The following TRHDE variants were observed in gnomAD, a reference collection of about 807,000 sequenced individuals.
The protein encoded by TRHDE is thyrotropin-releasing hormone-degrading ectoenzyme.
TRHDE carries 72 observed loss-of-function variants against 125.7 expected under a neutral mutation model. The ratio of observed to expected loss-of-function variants is 0.57; its 90% confidence interval spans 0.47 to 0.70. TRHDE has a LOEUF of 0.70. Among genes scored for constraint, TRHDE ranks in the 30% least tolerant of loss-of-function variants. The probability of loss-of-function intolerance (pLI) is 0.00; values close to 1 mark genes in which losing one functional copy is unlikely to be tolerated. For missense variants in TRHDE, 1,110 were observed against 1,327.1 expected, an observed-to-expected ratio of 0.84 and a Z score of 2.54; for synonymous variants, 509 against 509.1, an observed-to-expected ratio of 1.00 and a Z score of 0.00.
At chr12:72,517,747 T>C (rs1460875324) in intron 6 of TRHDE, among the ~76,000 whole-genome samples, 1 of 151,346 alleles carries the variant, frequency 6.6e-6, no homozygotes, top group Non-Finnish European at 1.5e-5. Flanking sequence ...AGGGTGTCAA[T>C]TTTGGATCTT....
chr12:72,514,503 A>G (rs11179228), intron 6 of TRHDE, among the ~76,000 whole-genome samples: 26,761 of 151,964 alleles, frequency 0.18, 2,771 homozygotes, highest in East Asian at 0.48. Flanking sequence ...AGAGAATTAT[A>G]ACCTAAATGG....
At chr12:72,239,908 T>G (rs1431301021) in intron 2 of TRHDE, among the ~76,000 whole-genome samples, 1 of 152,208 alleles carries the variant, frequency 6.6e-6, no homozygotes, top group Non-Finnish European at 1.5e-5. Flanking sequence ...TGTCCTATTT[T>G]CAGTGAGCTT....
intron 2 of TRHDE, among the ~76,000 whole-genome samples, chr12:72,327,249 G>C (rs1184180802): frequency 3.9e-5 from 6 of 152,102 alleles, no homozygotes. Context: ...GAGTTAGGGA[G>C]CCTTTTCTTA....
Position 72,330,967 on chromosome 12 carries a change from A to G in TRHDE, c.1188+44013A>G, listed in dbSNP as rs1342965617. On this transcript the variant is annotated intron_variant, in intron 2 of 18. Transcript: ENST00000261180. ...AGCGTGAGAATATGCATTTCTAACA[A>G]GTTTCCAGGTGATGTTGCTAGCTGT... is the stretch of plus-strand genomic sequence containing the variant. Among the ~76,000 whole-genome samples, 4 of 152,162 alleles carry G rather than the reference A, an allele frequency of 2.6e-5. No homozygotes were observed. The East Asian group carries it at 7.7e-4, about 29-fold the overall frequency.
At chr12:72,575,122 G>T in intron 10 of TRHDE, 133 bp from the exon 11 acceptor site, 1 of 811,142 alleles carries the variant, frequency 1.2e-6, no homozygotes, top group Non-Finnish European at 1.9e-6. Context: ...TAATTAAAGA[G>T]TAGGCTTCAA....
chr12:72,611,421 A>G (rs1399692098), intron 12 of TRHDE: 1 of 152,236 alleles, frequency 6.6e-6, no homozygotes, highest in Non-Finnish European at 1.5e-5. Flanking sequence ...ACCCATTTAA[A>G]GAGAATACCA....
chr12:72,309,066 T>C (rs557831022), intron 2 of TRHDE, among the ~76,000 whole-genome samples: 138 of 152,314 alleles, frequency 9.1e-4, no homozygotes, highest in Middle Eastern at 3.4e-3. Flanking sequence ...CACTGGGTAT[T>C]GACAGATGCA....
At chr12:72,510,787 C>T (rs1040644475) in intron 6 of TRHDE, among the ~76,000 whole-genome samples, 2 of 151,774 alleles carry the variant, frequency 1.3e-5, no homozygotes, top group African/African-American at 4.8e-5. Context: ...AAGCTTGGGA[C>T]TGAAAAAATT....
intron 3 of TRHDE, among the ~76,000 whole-genome samples, chr12:72,463,190 T>C (rs972468252): frequency 6.6e-6 from 1 of 152,180 alleles, no homozygotes; most frequent in African/African-American, 2.4e-5. Flanking sequence ...TGCCTAGGCA[T>C]GGAAGGATTG....
intron 2 of TRHDE, among the ~76,000 whole-genome samples, chr12:72,230,515 AG>A (rs1878227379): frequency 6.6e-6 from 1 of 152,180 alleles, no homozygotes; most frequent in Admixed American, 6.5e-5. Context: ...TGTCCGTAGA[AG>A]TAAATTGTTC....
chr12:72,555,374 C>T (rs917029677), intron 7 of TRHDE, among the ~76,000 whole-genome samples: 2 of 151,956 alleles, frequency 1.3e-5, no homozygotes, highest in Non-Finnish European at 2.9e-5. Context: ...CTTTTCATGT[C>T]CAGTGGCTTG....
intron 2 of TRHDE, among the ~76,000 whole-genome samples, chr12:72,294,015 G>A (rs1880191572): frequency 6.6e-6 from 1 of 152,178 alleles, no homozygotes; most frequent in Non-Finnish European, 1.5e-5. Context: ...ACCACAAGCG[G>A]CTTTCATGGC....
At chr12:72,187,442 G>A (rs1021537098) in intron 2 of TRHDE, among the ~76,000 whole-genome samples, 3 of 150,330 alleles carry the variant, frequency 2.0e-5, no homozygotes, top group South Asian at 2.1e-4. Flanking sequence ...GCCCGAGGTG[G>A]GGGGGGTGGT....
chr12:72,216,940 T>A (rs1249653831), intron 2 of TRHDE, among the ~76,000 whole-genome samples: 1 of 150,494 alleles, frequency 6.6e-6, no homozygotes, highest in Non-Finnish European at 1.5e-5. Context: ...TTGCATTTTG[T>A]GTCTGAATGG....
At chr12:72,564,699 GCT>G (rs1870354159) in intron 9 of TRHDE, among the ~76,000 whole-genome samples, 1 of 96,650 alleles carries the variant, frequency 1.0e-5, no homozygotes, top group Non-Finnish European at 1.9e-5. Flanking sequence ...ACGGAGTCTT[GCT>G]CTGTCTCCCA....
chr12:72,287,976 A>C, intron 2 of TRHDE, among the ~76,000 whole-genome samples: 1 of 152,042 alleles, frequency 6.6e-6, no homozygotes, highest in East Asian at 1.9e-4. Flanking sequence ...GAGTAAAGTA[A>C]ATTGAGTACA....
intron 6 of TRHDE, among the ~76,000 whole-genome samples, chr12:72,503,162 C>G (rs1314865285): frequency 6.6e-6 from 1 of 152,088 alleles, no homozygotes; most frequent in Admixed American, 6.6e-5. Context: ...ACATTTATTA[C>G]ATGGATACTC....
intron 1 of TRHDE, among the ~76,000 whole-genome samples, chr12:72,095,687 G>A (rs1179510961): frequency 6.6e-6 from 1 of 152,134 alleles, no homozygotes; most frequent in Non-Finnish European, 1.5e-5. Flanking sequence ...TGTAGATCTG[G>A]ATTTTGTAAG....
intron 12 of TRHDE, among the ~76,000 whole-genome samples, chr12:72,591,616 A>G (rs1291767098): frequency 6.8e-6 from 1 of 147,104 alleles, no homozygotes; most frequent in Non-Finnish European, 1.5e-5. Context: ...TTATTCATCA[A>G]TTTCTAAGGA....
Sources: gnomAD v4.1 joint callset for allele counts (sites outside exome capture counted in the v4.1 genomes callset) on GRCh38, gnomAD v4.1.1 for gene constraint, MANE v1.5 for transcripts, NCBI Gene and HGNC (gene_info 2026-07-23, HGNC 2026-07-21) for gene names.